GPC6: variants seen among roughly 807,000 people sequenced by gnomAD.
The protein encoded by GPC6 is glypican-6.
GPC6 carries 14 observed loss-of-function variants against 55.2 expected under a neutral mutation model. That is an observed-to-expected ratio of 0.25 (90% CI 0.17 to 0.40). The LOEUF (loss-of-function observed/expected upper bound fraction) is 0.40. Ranked by LOEUF, GPC6 falls within the 10% of genes least tolerant of loss-of-function variation. The pLI is 1.00. For synonymous variants in GPC6, 278 were observed against 259.6 expected (o/e 1.07, Z -0.68); for missense variants, 641 against 708.5 (o/e 0.90, Z 1.08).
intron 3 of GPC6, among the ~76,000 whole-genome samples, chr13:93,980,472 G>T (rs1880747059): frequency 6.6e-6 from 1 of 152,146 alleles, no homozygotes; most frequent in Non-Finnish European, 1.5e-5. Context: ...ATCCAGCCAA[G>T]CAGTATTCTC....
At chr13:93,599,137 C>A (rs573878367) in intron 2 of GPC6, among the ~76,000 whole-genome samples, 1 of 152,056 alleles carries the variant, frequency 6.6e-6, no homozygotes, top group African/African-American at 2.4e-5. Context: ...GAAATTATAC[C>A]GAAAAGTTCC....
At chr13:93,996,862 T>G (rs1319842385) in intron 3 of GPC6, among the ~76,000 whole-genome samples, 1 of 152,222 alleles carries the variant, frequency 6.6e-6, no homozygotes, top group Non-Finnish European at 1.5e-5. Context: ...CATATAGAAT[T>G]GGGATTATAG....
intron 6 of GPC6, among the ~76,000 whole-genome samples, chr13:94,378,902 A>C (rs1422399813): frequency 6.6e-6 from 1 of 152,192 alleles, no homozygotes; most frequent in Non-Finnish European, 1.5e-5. Context: ...AAATTGTTCT[A>C]AATTTTGTAT....
intron 2 of GPC6, among the ~76,000 whole-genome samples, chr13:93,664,710 C>T (rs1273310897): frequency 3.9e-5 from 6 of 152,000 alleles, no homozygotes; most frequent in Non-Finnish European, 7.4e-5. Context: ...CTGCACCTCC[C>T]GGGTTCAAGC....
intron 1 of GPC6, among the ~76,000 whole-genome samples, chr13:93,505,428 C>T (rs905585889): frequency 3.4e-4 from 38 of 112,834 alleles, no homozygotes; most frequent in South Asian, 1.1e-3. Context: ...CTCTCACACA[C>T]GTGCACACAC....
chr13:93,327,881 C>A (rs897562309), intron 1 of GPC6, among the ~76,000 whole-genome samples: 1 of 151,764 alleles, frequency 6.6e-6, no homozygotes, highest in East Asian at 1.9e-4. Flanking sequence ...AAATTGGTGG[C>A]AAAATGAATG....
At position 93,810,924 on chromosome 13, in the gene GPC6, A is replaced by G. The variant is rs78219777; in HGVS notation, c.320-19230A>G. ...TTGCTTAATGTTGTTTTATCTTCAC[A>G]TATCTGAACCTGACTGCATGGTCGT... On this transcript the variant is annotated intron_variant, in intron 2 of 8. Transcript: ENST00000377047. Among the ~76,000 whole-genome samples the G allele has an allele frequency of 3.7e-3, 571 of 152,354 alleles. 5 individuals are homozygous for G. The highest frequency in any genetic ancestry group is 0.013 in the African/African-American group (528 of 41,584).
Position 94,315,411 on chromosome 13 carries a change from C to T in GPC6, c.1152+9288C>T, listed in dbSNP as rs115970371. ...TGGTCATCACCCTTACTCCAGCATC[C>T]GGGGTGACAGAGCAGCCATTATCTG... On this transcript the variant is annotated intron_variant, in intron 6 of 8. Coordinates refer to ENST00000377047, the MANE Select transcript of GPC6 (RefSeq NM_005708.5). Among the ~76,000 whole-genome samples the T allele has an allele frequency of 8.3e-3, 1,269 of 152,266 alleles. 18 individuals are homozygous for T. Among genetic ancestry groups the T allele is most frequent in the African/African-American group, 0.029 (1,205 of 41,538 alleles).
chr13:93,585,247 A>C (rs924376023), intron 2 of GPC6, among the ~76,000 whole-genome samples: 1 of 152,142 alleles, frequency 6.6e-6, no homozygotes, highest in Non-Finnish European at 1.5e-5. Flanking sequence ...TTCTCCTTTT[A>C]TGAAAAACAA....
intron 4 of GPC6, among the ~76,000 whole-genome samples, chr13:94,038,943 C>T (rs1334946105): frequency 6.6e-6 from 1 of 151,934 alleles, no homozygotes; most frequent in Non-Finnish European, 1.5e-5. Flanking sequence ...TGCACTTCAT[C>T]AAGCAAGCTT....
At chr13:93,606,187 A>T (rs778050035) in intron 2 of GPC6, among the ~76,000 whole-genome samples, 3 of 152,212 alleles carry the variant, frequency 2.0e-5, no homozygotes, top group Non-Finnish European at 4.4e-5. Context: ...TAAGGGGAAT[A>T]TCAATAAAAT....
chr13:93,701,164 A>G (rs1882655191), intron 2 of GPC6, among the ~76,000 whole-genome samples: 2 of 152,138 alleles, frequency 1.3e-5, no homozygotes, highest in African/African-American at 2.4e-5. Context: ...ACATTTCTGC[A>G]TATAAGCACA....
At chr13:94,113,524 T>C (rs1886322263) in intron 4 of GPC6, among the ~76,000 whole-genome samples, 1 of 152,142 alleles carries the variant, frequency 6.6e-6, no homozygotes, top group Non-Finnish European at 1.5e-5. Context: ...CATTGTGAAG[T>C]TTCCATGTTT....
intron 1 of GPC6, among the ~76,000 whole-genome samples, chr13:93,536,265 C>T (rs1882057650): frequency 6.6e-6 from 1 of 151,956 alleles, no homozygotes; most frequent in African/African-American, 2.4e-5. Flanking sequence ...CCATTTTAAC[C>T]ATTTTACAGA....
At chr13:94,145,462 A>G (rs1188932044) in intron 4 of GPC6, among the ~76,000 whole-genome samples, 5 of 152,154 alleles carry the variant, frequency 3.3e-5, no homozygotes, top group African/African-American at 7.2e-5. Context: ...CTACTTCAAT[A>G]TATTGATATT....
chr13:93,973,335 C>G (rs185998570), intron 3 of GPC6, among the ~76,000 whole-genome samples: 2 of 152,198 alleles, frequency 1.3e-5, no homozygotes, highest in African/African-American at 4.8e-5. Context: ...ATGGGATCAC[C>G]ATAATATATG....
At chr13:94,236,619 A>T (rs1890884851) in intron 4 of GPC6, among the ~76,000 whole-genome samples, 1 of 152,192 alleles carries the variant, frequency 6.6e-6, no homozygotes, top group Non-Finnish European at 1.5e-5. Flanking sequence ...GCGATCAGGG[A>T]AAACTTTAAA....
At chr13:93,749,527 A>T (rs1043350640) in intron 2 of GPC6, among the ~76,000 whole-genome samples, 2 of 152,082 alleles carry the variant, frequency 1.3e-5, no homozygotes, top group Non-Finnish European at 2.9e-5. Flanking sequence ...CCATTATATT[A>T]GGAATCTCAA....
At chr13:93,900,430 C>G (rs760003382) in intron 3 of GPC6, among the ~76,000 whole-genome samples, 5 of 151,992 alleles carry the variant, frequency 3.3e-5, no homozygotes, top group Non-Finnish European at 5.9e-5. Context: ...AGCCATAGAA[C>G]AAAAATGACA....
Sources: allele counts gnomAD v4.1 joint callset (sites outside exome capture counted in the v4.1 genomes callset), GRCh38; gene constraint gnomAD v4.1.1; transcripts MANE v1.5; gene names NCBI Gene and HGNC (gene_info 2026-07-23, HGNC 2026-07-21).